Variants in FAM76B observed in about 807,000 individuals in gnomAD.
FAM76B encodes protein FAM76B.
A neutral mutation model predicts 51.8 loss-of-function variants in FAM76B; 16 were observed. That is an observed-to-expected ratio of 0.31 (90% confidence interval 0.21 to 0.47). The LOEUF (loss-of-function observed/expected upper bound fraction) is 0.47, where lower values mean the gene tolerates loss of function less well. Among genes scored for constraint, FAM76B ranks in the 20% least tolerant of loss-of-function variants. The probability of loss-of-function intolerance (pLI) is 1.00; values close to 1 mark genes in which losing one functional copy is unlikely to be tolerated. For missense variants in FAM76B, 342 were observed against 392.6 expected (o/e 0.87, Z 1.09); for synonymous variants, 166 against 129.5 (o/e 1.28, Z -1.91).
intron 3 of FAM76B, among the ~76,000 whole-genome samples, chr11:95,787,327 G>A (rs1815529182): frequency 6.6e-6 from 1 of 151,976 alleles, no homozygotes; most frequent in Admixed American, 6.5e-5. Flanking sequence ...TCCGCCTCCT[G>A]AGTTCACGCC....
Position 95,779,826 on chromosome 11 carries a change from C to T in FAM76B, c.611+53G>A, listed in dbSNP as rs375884558. On this transcript the variant is annotated intron_variant, in intron 6 of 9. Coordinates refer to ENST00000358780, the MANE Select transcript of FAM76B (RefSeq NM_144664.5). ...AAGTAACAAAGTTGAAGGGATATCA[C>T]ATTTATAAATATACATTTCAAAATA... is the stretch of plus-strand genomic sequence containing the variant. The T allele has an allele frequency of 1.0e-3, 1,629 of 1,568,376 alleles. 3 individuals carry two copies. Among genetic ancestry groups the T allele is most frequent in the Non-Finnish European group, 1.3e-3 (1,511 of 1,153,856 alleles).
chr11:95,788,148 C>T (rs1860706260), intron 2 of FAM76B, among the ~76,000 whole-genome samples: 1 of 152,162 alleles, frequency 6.6e-6, no homozygotes, highest in Non-Finnish European at 1.5e-5. Flanking sequence ...AGATTTTCAC[C>T]TTGGAAGGCA....
Position 95,779,959 on chromosome 11 carries a change from CATTT to C in FAM76B, c.564-37_564-34del, listed in dbSNP as rs746500241. On this transcript the variant is annotated intron_variant, in intron 5 of 9. Coordinates refer to ENST00000358780, the MANE Select transcript of FAM76B (RefSeq NM_144664.5). ...ATACACAAATGACATCTAATAATGACATTTATTTATTTAATACATCTAAATTTAA... is the reference window on the plus strand; with the variant it reads ...ATACACAAATGACATCTAATAATGACATTTATTTAATACATCTAAATTTAA... The C allele has an allele frequency of 1.7e-5, 27 of 1,562,988 alleles. 1 individual carries two copies. The South Asian group carries it at 2.6e-4, about 15-fold the overall frequency.
chr11:95,779,774 C>A, intron 6 of FAM76B, 87 bp from the exon 7 acceptor site: 1 of 1,555,602 alleles, frequency 6.4e-7, no homozygotes, highest in Non-Finnish European at 8.7e-7. Flanking sequence ...TAAAATATTA[C>A]TGAAAATACT....
chr11:95,787,364 G>C lies in FAM76B; in HGVS notation c.207+260C>G, dbSNP rs1213522948. Among the ~76,000 whole-genome samples, 6 of 152,132 alleles carry C rather than the reference G, an allele frequency of 3.9e-5. No individual in the cohort carries two copies. In the East Asian group the frequency reaches 1.2e-3, roughly 29 times the overall value. Reference sequence around the variant, plus strand: ...TTCTCCTGCCTCAGCCTCTGGAGTAGCTGGGACTACAGGCGCCCACCACCA... The same window carrying C: ...TTCTCCTGCCTCAGCCTCTGGAGTACCTGGGACTACAGGCGCCCACCACCA... On this transcript the variant is annotated intron_variant, in intron 3 of 9. Transcript: ENST00000358780.
chr11:95,789,125 C>T (rs1860808195), intron 1 of FAM76B: 3 of 1,352,296 alleles, frequency 2.2e-6, no homozygotes, highest in African/African-American at 2.9e-5. Context: ...TCACTCAACC[C>T]CACTCCTGAG....
intron 5 of FAM76B, among the ~76,000 whole-genome samples, chr11:95,780,721 T>TA (rs1406977872): frequency 6.6e-6 from 1 of 151,996 alleles, no homozygotes; most frequent in African/African-American, 2.4e-5. Flanking sequence ...TAGAAGATGT[T>TA]AGAATACCTG....
In FAM76B at chr11:95,778,857, G is replaced by T. The variant is rs1440954505; in HGVS notation, c.793C>A (p.Gln265Lys). The change falls in exon 8 of 10, where the codon CAG becomes AAG. Residue 265 changes from glutamine to lysine, a missense_variant. Physicochemically the swap from Gln to Lys is moderately conservative, Grantham distance 53. Transcript: ENST00000358780. ...TTTTCTAAAATGGTCTGGTCTCTCT[G>T]CTGTAAGAGACGCTTAAGTGACATC... ...EVMSLKRLLQ[Q>K]RDQTILEKDK... is the part of the protein sequence containing the mutation. 1 of 1,610,214 alleles carries T rather than the reference G, an allele frequency of 6.2e-7. No homozygotes were observed. Among genetic ancestry groups the T allele is most frequent in the Non-Finnish European group, 8.5e-7 (1 of 1,177,824 alleles).
chr11:95,788,867 A>G (rs1297941216), intron 1 of FAM76B: 1 of 1,379,998 alleles, frequency 7.2e-7, no homozygotes, highest in East Asian at 3.9e-5. Context: ...ACCGTTGCTC[A>G]CAGACAGCAT....
intron 4 of FAM76B, 45 bp downstream of exon 4, chr11:95,786,074 T>C (rs1480250247): frequency 1.9e-6 from 3 of 1,577,028 alleles, no homozygotes; most frequent in East Asian, 4.5e-5. Context: ...TTGTTTGGCA[T>C]TTTATTTAAT....
rs896629698 is a variant in FAM76B, at chr11:95,769,789, A to G, written c.*1772T>C. ...CTAAATTTAAGAAAATTATTACATG[A>G]AGATCCCATAAAAATAAACTGGTTT... On this transcript the variant is annotated 3_prime_UTR_variant, in exon 10 of 10. Coordinates refer to ENST00000358780, the MANE Select transcript of FAM76B (RefSeq NM_144664.5). The G allele has an allele frequency of 6.6e-6, 1 of 151,632 alleles. No individual in the cohort carries two copies. The highest frequency in any genetic ancestry group is 2.4e-5 in the African/African-American group (1 of 41,378). The allele number at this position is 151,632 out of a possible 1,614,324, so 9.4% of individuals were successfully genotyped here. A position where few individuals can be genotyped will look rare whatever the true frequency, so the allele number is the denominator to read the frequency against.
chr11:95,786,177 G>T lies in FAM76B; in HGVS notation c.305C>A (p.Thr102Asn), dbSNP rs777389772. Reference sequence around the variant, plus strand: ...ACATTGCTGTTTGCACTGTTCACAGGTCTGAGGTGGTCCATACTTTTTTTC... The same window carrying T: ...ACATTGCTGTTTGCACTGTTCACAGTTCTGAGGTGGTCCATACTTTTTTTC... ...NSEKKYGPPQ[T>N]CEQCKQQCAF... is the part of the protein sequence containing the mutation. Residue 102 changes from threonine (T) to asparagine (N), a missense_variant, in exon 4 of 10, where the codon ACC becomes AAC. Around this residue, in one of 3 missense-constraint regions of FAM76B, gnomAD observed 16 missense variants for 40.5 expected, o/e 0.40. Coordinates refer to ENST00000358780, the MANE Select transcript of FAM76B (RefSeq NM_144664.5). 2.5e-6 allele frequency: 4 copies of T among 1,613,964 alleles called. No homozygotes were observed. In the African/African-American group the frequency reaches 4.0e-5, roughly 16 times the overall value.
At chr11:95,776,447 T>G (rs1860011478) in intron 8 of FAM76B, among the ~76,000 whole-genome samples, 1 of 151,502 alleles carries the variant, frequency 6.6e-6, no homozygotes, top group South Asian at 2.1e-4. Flanking sequence ...AAGAAAGAAA[T>G]TTCACACTGG....
intron 3 of FAM76B, 79 bp downstream of exon 3, chr11:95,787,545 T>C (rs4753178): frequency 0.055 from 77,401 of 1,404,502 alleles, 6,361 homozygotes; most frequent in African/African-American, 0.34. Flanking sequence ...CAGCCAGCAG[T>C]ACATATTTTT....
chr11:95,777,560 A>G (rs1436354092), intron 8 of FAM76B, among the ~76,000 whole-genome samples: 5 of 151,410 alleles, frequency 3.3e-5, no homozygotes, highest in Non-Finnish European at 7.4e-5. Flanking sequence ...ACACAGGACA[A>G]ATTTCCATAA....
chr11:95,783,259 A>G lies in FAM76B; in HGVS notation c.369T>C (p.Asp123=), dbSNP rs774448677. The G allele has an allele frequency of 1.3e-5, 21 of 1,610,970 alleles. No individual in the cohort carries two copies. The East Asian group carries it at 3.1e-4, about 24-fold the overall frequency. Residue 123 remains aspartate (D), a synonymous_variant, in exon 5 of 10, where the codon GAT becomes GAC. Transcript: ENST00000358780. ...TACAGAGCCAGCATAATAACTTTCC[A>G]TCAACCTTTTAAGAAAATGTGTTAA... The part of the protein sequence containing the change: ...DRKEEGRRKV[D]GKLLCWLCTL...
intron 9 of FAM76B, among the ~76,000 whole-genome samples, chr11:95,775,129 A>C (rs968234126): frequency 2.0e-5 from 3 of 151,426 alleles, no homozygotes. Flanking sequence ...CACCTTAAAA[A>C]TTTTGTTACT....
At chr11:95,786,482 T>C (rs1860595381) in intron 3 of FAM76B, 5 of 489,950 alleles carry the variant, frequency 1.0e-5, no homozygotes, top group East Asian at 3.2e-5. Flanking sequence ...CATGTAACTA[T>C]TACTCTAAGA....
At chr11:95,772,748 T>A (rs1027028698) in intron 9 of FAM76B, among the ~76,000 whole-genome samples, 2 of 151,104 alleles carry the variant, frequency 1.3e-5, no homozygotes, top group African/African-American at 4.8e-5. Context: ...CTGCCTTCTC[T>A]GTATGCCATC....
Sources: gnomAD v4.1 joint callset for allele counts (sites outside exome capture counted in the v4.1 genomes callset) on GRCh38, gnomAD v4.1.1 for gene constraint, gnomAD v4.1.1 regional missense constraint, MANE v1.5 for transcripts, NCBI Gene and HGNC (gene_info 2026-07-23, HGNC 2026-07-21) for gene names.